Variants in RETSAT observed in about 807,000 individuals in gnomAD.
The protein encoded by RETSAT is all-trans-retinol 13,14-reductase.
In RETSAT, 35 loss-of-function variants were observed where a neutral mutation model predicts 61.6. The observed-to-expected ratio is 0.57, with a 90% CI of 0.43 to 0.75. The LOEUF (loss-of-function observed/expected upper bound fraction) is 0.75, where lower values mean the gene tolerates loss of function less well. Among genes scored for constraint, RETSAT ranks in the 30% least tolerant of loss-of-function variants. The pLI is 0.00. For synonymous variants in RETSAT, 277 were observed against 310.4 expected, an observed-to-expected ratio of 0.89 and a Z score of 1.13; for missense variants, 670 against 759.5, an observed-to-expected ratio of 0.88 and a Z score of 1.38.
chr2:85,345,658 C>T (rs1157042994), intron 6 of RETSAT: 1 of 427,598 alleles, frequency 2.3e-6, no homozygotes, highest in Non-Finnish European at 4.4e-6. Flanking sequence ...TTCCTGAGGC[C>T]TCTTCTCTGG....
Position 85,343,142 on chromosome 2 carries a change from C to G in RETSAT, c.*100G>C, listed in dbSNP as rs71337789. On this transcript the variant is annotated 3_prime_UTR_variant, in exon 11 of 11. Coordinates refer to ENST00000295802, the MANE Select transcript of RETSAT (RefSeq NM_017750.4). ...CAGGCATCAGAACCAAATTAGAGTGCTTTATACGTGCAAGGAACTAATGCA... is the reference window on the plus strand; with the variant it reads ...CAGGCATCAGAACCAAATTAGAGTGGTTTATACGTGCAAGGAACTAATGCA... The G allele has an allele frequency of 1.5e-5, 23 of 1,525,718 alleles. No individual in the cohort carries two copies. In the African/African-American group the frequency reaches 2.6e-4, roughly 17 times the overall value. The allele number at this position is 1,525,718 out of a possible 1,614,324, so 94.5% of individuals were successfully genotyped here.
intron 6 of RETSAT, 68 bp from the exon 7 acceptor site, chr2:85,344,800 G>C: frequency 6.4e-7 from 1 of 1,552,190 alleles, no homozygotes; most frequent in Non-Finnish European, 8.7e-7. Context: ...GCTCCCAGGA[G>C]AGCCTTGGGG....
chr2:85,344,351 G>A lies in RETSAT; in HGVS notation c.1257-3C>T. On this transcript the variant is annotated splice_polypyrimidine_tract_variant and splice_region_variant and intron_variant, in intron 7 of 10. Transcript: ENST00000295802. Reference sequence around the variant, plus strand: ...GCATGGAGACGTAGCGCTCCATCCTGCATGTGACAAGAGTGTGGTGGGATC... The same window carrying A: ...GCATGGAGACGTAGCGCTCCATCCTACATGTGACAAGAGTGTGGTGGGATC... 6.2e-7 allele frequency: 1 copy of A among 1,613,354 alleles called. No homozygotes were observed. Among genetic ancestry groups the A allele is most frequent in the Non-Finnish European group, 8.5e-7 (1 of 1,179,362 alleles).
chr2:85,354,251 G>A (rs1683383705), intron 1 of RETSAT, 85 bp downstream of exon 1: 3 of 1,469,136 alleles, frequency 2.0e-6, no homozygotes, highest in Admixed American at 1.8e-5. Flanking sequence ...CCCACGTCTG[G>A]TAGCGGCTGC....
At chr2:85,352,012 C>T in intron 1 of RETSAT, 150 bp from the exon 2 acceptor site, 1 of 710,636 alleles carries the variant, frequency 1.4e-6, no homozygotes, top group East Asian at 2.8e-5. Context: ...ATGTTTCAAA[C>T]ATTTTACCTG....
chr2:85,348,456 C>A (rs774546874), intron 5 of RETSAT, among the ~76,000 whole-genome samples: 1 of 151,874 alleles, frequency 6.6e-6, no homozygotes, highest in South Asian at 2.1e-4. Context: ...CATGGTGAAA[C>A]CCCATCTCTA....
At chr2:85,346,188 T>A in intron 5 of RETSAT, 94 bp from the exon 6 acceptor site, 1 of 1,508,042 alleles carries the variant, frequency 6.6e-7, no homozygotes, top group East Asian at 2.3e-5. Context: ...CTGTGCCCAT[T>A]TCTCAGACCT....
At chr2:85,345,809 G>C (rs773335503) in intron 6 of RETSAT, 166 bp downstream of exon 6, 1 of 854,672 alleles carries the variant, frequency 1.2e-6, no homozygotes, top group Non-Finnish European at 2.0e-6. Flanking sequence ...AACATTAAAT[G>C]CTAGGGTTAG....
chr2:85,349,549 G>A lies in RETSAT; in HGVS notation c.832C>T (p.His278Tyr), dbSNP rs755508768. The change falls in exon 5 of 11, where the codon CAC becomes TAC. Residue 278 changes from histidine (H) to tyrosine (Y), a missense_variant. His to Tyr is a moderately conservative substitution (Grantham distance 83). Transcript: ENST00000295802. The part of the protein sequence containing the change: ...VTPNHSAFSM[H>Y]ALLVNHYMKG... Reference sequence around the variant, plus strand: ...ATGTAGTGGTTGACCAGCAGGGCGTGCATGGAAAAGGCACTGTGGTTGGGG... The same window carrying A: ...ATGTAGTGGTTGACCAGCAGGGCGTACATGGAAAAGGCACTGTGGTTGGGG... 4 of 1,614,196 alleles carry A rather than the reference G, an allele frequency of 2.5e-6. No individual in the cohort carries two copies. The highest frequency in any genetic ancestry group is 1.1e-5 in the South Asian group (1 of 91,092).
chr2:85,349,281 TGAG>T (rs1334728450), intron 5 of RETSAT, 100 bp downstream of exon 5: 13 of 1,067,560 alleles, frequency 1.2e-5, no homozygotes, highest in Non-Finnish European at 1.8e-5. Flanking sequence ...TTAGCCTCCA[TGAG>T]GAGGTCAGTT....
At chr2:85,352,195 C>CA (rs2104440009) in intron 1 of RETSAT, among the ~76,000 whole-genome samples, 1 of 152,248 alleles carries the variant, frequency 6.6e-6, no homozygotes, top group Admixed American at 6.5e-5. Context: ...GCTGGGACTA[C>CA]AGGTGCATGC....
At chr2:85,345,312 AC>A in intron 6 of RETSAT, among the ~76,000 whole-genome samples, 1 of 151,714 alleles carries the variant, frequency 6.6e-6, no homozygotes, top group South Asian at 2.1e-4. Context: ...ACCTCGCTTT[AC>A]CCCCCAGCCC....
chr2:85,346,048 G>A lies in RETSAT; in HGVS notation c.1044C>T (p.Pro348=). 1 of 1,614,140 alleles carries A rather than the reference G, an allele frequency of 6.2e-7. No individual in the cohort carries two copies. The highest frequency in any genetic ancestry group is 1.6e-4 in the Middle Eastern group (1 of 6,062). Residue 348 remains proline (P), a synonymous_variant, in exon 6 of 11, where the codon CCC becomes CCT. Transcript: ENST00000295802. ...ACAGTCCTGCGTTGGAGACCACGAT[G>A]GGGCAATAGATGTTCACCAGCTCAT... ...KGHELVNIYC[P]IVVSNAGLFN...
At chr2:85,350,678 T>G (rs1683283670) in intron 3 of RETSAT, 102 bp downstream of exon 3, 6 of 1,354,440 alleles carry the variant, frequency 4.4e-6, no homozygotes, top group Non-Finnish European at 6.2e-6. Context: ...CCTCCCTTCC[T>G]GCCTCCCGCA....
intron 1 of RETSAT, among the ~76,000 whole-genome samples, chr2:85,352,606 T>G (rs1558684568): frequency 1.3e-5 from 2 of 152,136 alleles, no homozygotes; most frequent in African/African-American, 4.8e-5. Context: ...GATCTTGAAC[T>G]CCTGGCCTCA....
rs771836827 is a variant in RETSAT, at chr2:85,344,618, T to C, written c.1232A>G (p.Tyr411Cys). The C allele has an allele frequency of 6.2e-6, 10 of 1,614,194 alleles. No homozygotes were observed. In the East Asian group the frequency reaches 1.8e-4, roughly 29 times the overall value. The change falls in exon 7 of 11, where the codon TAC becomes TGC. Residue 411 changes from tyrosine to cysteine, a missense_variant. Tyr to Cys is a radical substitution (Grantham distance 194). Coordinates refer to ENST00000295802, the MANE Select transcript of RETSAT (RefSeq NM_017750.4). ...LHLPSTNYYV[Y>C]YDTDMDQAME... ...CGCCTGGTCCATGTCCGTGTCATAG[T>C]AAACATAGTAGTTGGTGGACGGCAG...
At chr2:85,346,914 C>T (rs960077409) in intron 5 of RETSAT, among the ~76,000 whole-genome samples, 1 of 152,196 alleles carries the variant, frequency 6.6e-6, no homozygotes, top group African/African-American at 2.4e-5. Context: ...TCTCACTAAA[C>T]TCCCACTAAA....
chr2:85,354,346 A>T lies in RETSAT; in HGVS notation c.162T>A (p.Val54=). ...LVTDKEARKK[V]LKQAFSANQV... ...GGTCCCTCCTGCTACCTTGTTTGAG[A>T]ACCTTCTTCCTGGCCTCCTTGTCAG... Residue 54 remains valine (V), a synonymous_variant, in exon 1 of 11, where the codon GTT becomes GTA. Coordinates refer to ENST00000295802, the MANE Select transcript of RETSAT (RefSeq NM_017750.4). 1.2e-6 allele frequency: 2 copies of T among 1,614,196 alleles called. No individual in the cohort carries two copies. The highest frequency in any genetic ancestry group is 1.7e-6 in the Non-Finnish European group (2 of 1,180,034).
chr2:85,353,876 C>G (rs756954293), intron 1 of RETSAT, among the ~76,000 whole-genome samples: 1 of 152,182 alleles, frequency 6.6e-6, no homozygotes, highest in Non-Finnish European at 1.5e-5. Flanking sequence ...AGGGTTCAAT[C>G]CTTACGATTT....
Sources: allele counts gnomAD v4.1 joint callset (sites outside exome capture counted in the v4.1 genomes callset), GRCh38; gene constraint gnomAD v4.1.1; transcripts MANE v1.5; gene names NCBI Gene and HGNC (gene_info 2026-07-23, HGNC 2026-07-21).